WDR7: variants seen among roughly 807,000 people sequenced by gnomAD.
The protein encoded by WDR7 is WD repeat domain 7.
WDR7 carries 46 observed loss-of-function variants against 169.4 expected under a neutral mutation model. The observed-to-expected ratio is 0.27, with a 90% confidence interval of 0.21 to 0.35. WDR7 has a LOEUF of 0.35. WDR7 is among the 10% of genes least tolerant of loss of function. The pLI is 1.00. For missense variants in WDR7, 1,534 were observed against 1,859.3 expected, an observed-to-expected ratio of 0.83 and a Z score of 3.22; for synonymous variants, 612 against 666.8, an observed-to-expected ratio of 0.92 and a Z score of 1.27.
intron 21 of WDR7, among the ~76,000 whole-genome samples, chr18:56,922,234 G>A (rs1284085868): frequency 1.3e-5 from 2 of 152,114 alleles, no homozygotes; most frequent in African/African-American, 4.8e-5. Flanking sequence ...GACAGTAAAG[G>A]CAGACCTATT....
chr18:56,871,394 CTG>C (rs1255493429), intron 20 of WDR7, among the ~76,000 whole-genome samples: 1 of 152,128 alleles, frequency 6.6e-6, no homozygotes, highest in Non-Finnish European at 1.5e-5. Flanking sequence ...TAGTTTTCTG[CTG>C]TGAGATCTTA....
chr18:56,689,558 C>T (rs1429147742), intron 7 of WDR7, among the ~76,000 whole-genome samples: 1 of 152,144 alleles, frequency 6.6e-6, no homozygotes, highest in Non-Finnish European at 1.5e-5. Flanking sequence ...CCGTGCCTGG[C>T]CTATATGGTT....
intron 20 of WDR7, among the ~76,000 whole-genome samples, chr18:56,854,270 A>G (rs1215073915): frequency 1.3e-5 from 2 of 152,196 alleles, no homozygotes; most frequent in Non-Finnish European, 2.9e-5. Flanking sequence ...CATACTTCCT[A>G]TGACCTCCTC....
chr18:56,884,613 C>T (rs1435764736), intron 21 of WDR7, among the ~76,000 whole-genome samples: 1 of 152,156 alleles, frequency 6.6e-6, no homozygotes, highest in African/African-American at 2.4e-5. Context: ...AACCACACTC[C>T]CATCCCCCAC....
At chr18:56,912,844 C>A (rs1316796719) in intron 21 of WDR7, among the ~76,000 whole-genome samples, 2 of 151,960 alleles carry the variant, frequency 1.3e-5, no homozygotes, top group African/African-American at 4.8e-5. Flanking sequence ...TCCATGGCCT[C>A]TGAGCCATCT....
intron 1 of WDR7, among the ~76,000 whole-genome samples, chr18:56,656,480 A>G (rs656710): frequency 0.95 from 143,708 of 151,828 alleles, 68,502 homozygotes; most frequent in East Asian, 1. Flanking sequence ...GGGTTTTACC[A>G]TGTTGCCCAA....
chr18:56,711,058 C>T (rs1598981535), intron 12 of WDR7, among the ~76,000 whole-genome samples: 4 of 141,594 alleles, frequency 2.8e-5, no homozygotes, highest in Non-Finnish European at 4.7e-5. Flanking sequence ...TTGTCCTTTG[C>T]TTTTTTTTTT....
intron 14 of WDR7, among the ~76,000 whole-genome samples, chr18:56,751,613 C>G (rs1033965903): frequency 5.9e-5 from 9 of 152,154 alleles, no homozygotes; most frequent in African/African-American, 2.2e-4. Context: ...TTTGCTGTGA[C>G]ATAACCAGCC....
At chr18:56,715,330 T>C (rs2026168092) in intron 12 of WDR7, among the ~76,000 whole-genome samples, 2 of 152,182 alleles carry the variant, frequency 1.3e-5, no homozygotes, top group African/African-American at 2.4e-5. Flanking sequence ...CCTAACATAG[T>C]AGAGAATATT....
chr18:56,947,313 G>A (rs1016391617), intron 25 of WDR7, among the ~76,000 whole-genome samples: 1 of 152,168 alleles, frequency 6.6e-6, no homozygotes, highest in African/African-American at 2.4e-5. Context: ...TTCTTTCCCA[G>A]CTGGGCCTTG....
intron 14 of WDR7, among the ~76,000 whole-genome samples, chr18:56,738,347 A>G (rs1411851076): frequency 1.3e-5 from 2 of 152,116 alleles, no homozygotes; most frequent in East Asian, 3.9e-4. Flanking sequence ...AGGTAGGCGG[A>G]TCGTTTGAAT....
intron 27 of WDR7, among the ~76,000 whole-genome samples, chr18:57,026,686 A>T (rs955856174): frequency 6.6e-6 from 1 of 152,200 alleles, no homozygotes; most frequent in Non-Finnish European, 1.5e-5. Context: ...AATATCCACA[A>T]TTTCCAAATA....
At chr18:56,899,213 A>G (rs1036005276) in intron 21 of WDR7, among the ~76,000 whole-genome samples, 2 of 152,056 alleles carry the variant, frequency 1.3e-5, no homozygotes, top group Non-Finnish European at 2.9e-5. Flanking sequence ...AAGCATAATA[A>G]TTAGAGATTT....
intron 26 of WDR7, among the ~76,000 whole-genome samples, chr18:56,969,988 G>A (rs2047460789): frequency 6.6e-6 from 1 of 152,106 alleles, no homozygotes; most frequent in Non-Finnish European, 1.5e-5. Flanking sequence ...GTGGCTTTGA[G>A]CAAGGCACTT....
intron 19 of WDR7, among the ~76,000 whole-genome samples, chr18:56,801,758 C>G (rs1568203087): frequency 1.3e-5 from 2 of 152,220 alleles, no homozygotes; most frequent in South Asian, 4.1e-4. Context: ...GAGATTCATT[C>G]ATGTTATTGC....
intron 26 of WDR7, among the ~76,000 whole-genome samples, chr18:57,002,382 A>G (rs2047995556): frequency 6.6e-6 from 1 of 152,198 alleles, no homozygotes; most frequent in Non-Finnish European, 1.5e-5. Flanking sequence ...TAAACTGTGC[A>G]TTGAAAATAA....
rs115270241 is a variant in WDR7 at position 56,831,661 on chromosome 18, G to A, written c.3304+15517G>A. 5.6e-3 allele frequency among the ~76,000 whole-genome samples: 848 copies of A among 152,036 alleles called. 11 individuals are homozygous for A. Among genetic ancestry groups the A allele is most frequent in the African/African-American group, 0.019 (805 of 41,474 alleles). On this transcript the variant is annotated intron_variant, in intron 20 of 27. Transcript: ENST00000254442. Reference sequence around the variant, plus strand: ...GGTTCATCTCACTGAGACTGGTTAGGACAGTGGGTGCAGCCCATGGACAGT... The same window carrying A: ...GGTTCATCTCACTGAGACTGGTTAGAACAGTGGGTGCAGCCCATGGACAGT...
At chr18:56,769,272 C>T (rs969042388) in intron 16 of WDR7, among the ~76,000 whole-genome samples, 5 of 151,584 alleles carry the variant, frequency 3.3e-5, no homozygotes, top group East Asian at 1.9e-4. Context: ...CAGGCTGGAC[C>T]GCAGTGGTGC....
At chr18:56,721,958 G>A (rs115138980) in intron 13 of WDR7, among the ~76,000 whole-genome samples, 241 of 152,182 alleles carry the variant, frequency 1.6e-3, no homozygotes, top group African/African-American at 5.4e-3. Context: ...AGTGTATGAG[G>A]ACTTGTGAAT....
Sources: gnomAD v4.1 joint callset for allele counts (sites outside exome capture counted in the v4.1 genomes callset) on GRCh38, gnomAD v4.1.1 for gene constraint, MANE v1.5 for transcripts, NCBI Gene and HGNC (gene_info 2026-07-23, HGNC 2026-07-21) for gene names.